The following FLVCR2 variants were observed in gnomAD, a reference collection of about 807,000 sequenced individuals.
FLVCR2 encodes the protein FLVCR choline and putative heme transporter 2.
In FLVCR2, 38 loss-of-function variants were observed where a neutral mutation model predicts 48.9. That is an observed-to-expected ratio of 0.78 (90% CI 0.60 to 1.02). FLVCR2 has a LOEUF of 1.02. Among genes scored for constraint, FLVCR2 ranks in the 50% least tolerant of loss-of-function variants. The probability of loss-of-function intolerance (pLI) is 0.00; values close to 1 mark genes in which losing one functional copy is unlikely to be tolerated. For synonymous variants in FLVCR2, 255 were observed against 257.0 expected (o/e 0.99, Z 0.07); for missense variants, 664 against 663.3 (o/e 1.00, Z -0.01).
intron 1 of FLVCR2, among the ~76,000 whole-genome samples, chr14:75,618,116 A>G (rs1889661651): frequency 1.3e-5 from 2 of 152,322 alleles, no homozygotes; most frequent in South Asian, 4.1e-4. Flanking sequence ...AATTTAAAGC[A>G]AGGAGAAGTC....
intron 1 of FLVCR2, among the ~76,000 whole-genome samples, chr14:75,611,638 C>T (rs181549969): frequency 9.9e-5 from 15 of 151,968 alleles, no homozygotes; most frequent in East Asian, 1.9e-4. Flanking sequence ...CTTGGGAGGC[C>T]GAGGTGAGAG....
At chr14:75,621,142 C>A (rs1889753218) in intron 1 of FLVCR2, among the ~76,000 whole-genome samples, 1 of 152,106 alleles carries the variant, frequency 6.6e-6, no homozygotes, top group African/African-American at 2.4e-5. Flanking sequence ...GTTTGGACTC[C>A]AACCCAGATA....
intron 1 of FLVCR2, among the ~76,000 whole-genome samples, chr14:75,600,902 A>G (rs1889149330): frequency 6.6e-6 from 1 of 152,052 alleles, no homozygotes; most frequent in Non-Finnish European, 1.5e-5. Context: ...CAAACAATCC[A>G]ATTTAAAAAT....
intron 5 of FLVCR2, among the ~76,000 whole-genome samples, chr14:75,637,930 A>G (rs1030699552): frequency 3.3e-5 from 5 of 151,818 alleles, no homozygotes; most frequent in South Asian, 2.1e-4. Flanking sequence ...GAACTGCTGG[A>G]GGGGCACAGG....
rs144659980 is a variant in FLVCR2 at position 75,637,929 on chromosome 14, G to A, written c.1125-1423G>A. On this transcript the variant is annotated intron_variant, in intron 5 of 9. Coordinates refer to ENST00000238667, the MANE Select transcript of FLVCR2 (RefSeq NM_017791.3). ...GGGCAACATGGGAAGAGAACTGCTG[G>A]AGGGGCACAGGAGGGGGTGAGACTG... 1.2e-3 allele frequency among the ~76,000 whole-genome samples: 177 copies of A among 152,088 alleles called. 3 individuals carry two copies. The East Asian group carries it at 0.031, about 27-fold the overall frequency.
At chr14:75,611,086 G>T (rs1889433050) in intron 1 of FLVCR2, among the ~76,000 whole-genome samples, 1 of 152,154 alleles carries the variant, frequency 6.6e-6, no homozygotes, top group Non-Finnish European at 1.5e-5. Context: ...CTGTCCTCAA[G>T]GTACTAACAG....
chr14:75,591,578 A>G (rs1888878355), intron 1 of FLVCR2, among the ~76,000 whole-genome samples: 1 of 152,196 alleles, frequency 6.6e-6, no homozygotes, highest in African/African-American at 2.4e-5. Context: ...AAGCTTAGCC[A>G]GGCTGAGGTC....
At chr14:75,643,650 C>A (rs1382328606) in intron 9 of FLVCR2, among the ~76,000 whole-genome samples, 1 of 152,134 alleles carries the variant, frequency 6.6e-6, no homozygotes, top group Non-Finnish European at 1.5e-5. Flanking sequence ...AAGAAGGAGC[C>A]TAGAACAGGA....
rs778687707 is a variant in FLVCR2 at position 75,622,167 on chromosome 14, T to C, written c.758T>C (p.Met253Thr). ...RDELAYHISI[M>T]FYIIGGVATL... ...GAGCTTGCCTACCACATCAGCATCA[T>C]GTTCTATATAATAGGAGGTGTGGCC... The change falls in exon 2 of 10, where the codon ATG becomes ACG. Residue 253 changes from methionine (M) to threonine (T), a missense_variant. By Grantham distance (81) the Met-to-Thr change is moderately conservative. Transcript: ENST00000238667. 1.9e-6 allele frequency: 3 copies of C among 1,613,906 alleles called. No homozygotes were observed. Among genetic ancestry groups the C allele is most frequent in the African/African-American group, 1.3e-5 (1 of 74,910 alleles).
At chr14:75,613,612 C>A (rs533122295) in intron 1 of FLVCR2, among the ~76,000 whole-genome samples, 63 of 152,178 alleles carry the variant, frequency 4.1e-4, no homozygotes, top group Non-Finnish European at 6.8e-4. Context: ...AGTGCAGTGG[C>A]ACATCTTGGC....
chr14:75,634,430 A>G (rs1003088086), intron 4 of FLVCR2, among the ~76,000 whole-genome samples: 1 of 152,216 alleles, frequency 6.6e-6, no homozygotes, highest in East Asian at 1.9e-4. Flanking sequence ...AGTAAATGAG[A>G]TAATGATATA....
At chr14:75,639,295 G>A in intron 5 of FLVCR2, 57 bp from the exon 6 acceptor site, 1 of 1,031,828 alleles carries the variant, frequency 9.7e-7, no homozygotes, top group Non-Finnish European at 1.5e-6. Flanking sequence ...ATAAATGAAT[G>A]AATGAGCCTA....
At chr14:75,620,987 A>G (rs1594806606) in intron 1 of FLVCR2, among the ~76,000 whole-genome samples, 2 of 152,344 alleles carry the variant, frequency 1.3e-5, no homozygotes, top group South Asian at 4.1e-4. Context: ...AGCTTGCCTG[A>G]GTTCACAAGC....
In FLVCR2 at chr14:75,634,994, G is replaced by A; in HGVS notation, c.1105G>A (p.Asp369Asn). 3 of 1,612,812 alleles carry A rather than the reference G, an allele frequency of 1.9e-6. No homozygotes were observed. Among genetic ancestry groups the A allele is most frequent in the Non-Finnish European group, 2.5e-6 (3 of 1,178,808 alleles). Residue 369 changes from aspartate to asparagine, a missense_variant, in exon 5 of 10, where the codon GAT becomes AAT. Asp to Asn is a conservative substitution (Grantham distance 23). Transcript: ENST00000238667. ...GGCTGTGATCTCAGGAATCTGGCTG[G>A]ATAGGTCCAAAACCTACAAGTAAGT... ...LGAVISGIWLDRSKTYKETTL... is the reference protein window; with the variant it reads ...LGAVISGIWLNRSKTYKETTL...
In FLVCR2 at chr14:75,632,537, C is replaced by G. The variant is rs113563553; in HGVS notation, c.953-1092C>G. On this transcript the variant is annotated intron_variant, in intron 3 of 9. Coordinates refer to ENST00000238667, the MANE Select transcript of FLVCR2 (RefSeq NM_017791.3). ...CATTAAGCCAGGGTGGTTGCCATACCCACCTTCCCTTGCACCTTAGCCATC... is the reference window on the plus strand; with the variant it reads ...CATTAAGCCAGGGTGGTTGCCATACGCACCTTCCCTTGCACCTTAGCCATC... 4.4e-6 allele frequency: 3 copies of G among 678,776 alleles called. No homozygotes were observed. In the Admixed American group the frequency reaches 6.4e-5, roughly 15 times the overall value. The allele number at this position is 678,776 out of a possible 1,614,324, so 42.0% of individuals were successfully genotyped here.
chr14:75,588,247 C>T (rs942280151), intron 1 of FLVCR2, among the ~76,000 whole-genome samples: 8 of 152,198 alleles, frequency 5.3e-5, no homozygotes, highest in African/African-American at 1.9e-4. Flanking sequence ...GGCCAAGCGA[C>T]CAGCATCTGG....
chr14:75,605,426 G>A (rs1401691527), intron 1 of FLVCR2: 19 of 1,458,108 alleles, frequency 1.3e-5, no homozygotes, highest in South Asian at 7.1e-5. Flanking sequence ...TCATAGGTGG[G>A]AGGGCACCCT....
chr14:75,634,815 G>A (rs549393899), intron 4 of FLVCR2, 95 bp from the exon 5 acceptor site: 3 of 798,660 alleles, frequency 3.8e-6, no homozygotes, highest in East Asian at 5.1e-5. Flanking sequence ...TGGAGCTTGA[G>A]TTACCTGCCT....
chr14:75,599,125 A>AGCAACCAAGCCCAC (rs1889097638), intron 1 of FLVCR2, among the ~76,000 whole-genome samples: 1 of 152,204 alleles, frequency 6.6e-6, no homozygotes, highest in South Asian at 2.1e-4. Context: ...AAAGATCTAC[A>AGCAACCAAGCCCAC]GCAACCAAGC....
Sources: allele counts gnomAD v4.1 joint callset (sites outside exome capture counted in the v4.1 genomes callset), GRCh38; gene constraint gnomAD v4.1.1; transcripts MANE v1.5; gene names NCBI Gene and HGNC (gene_info 2026-07-23, HGNC 2026-07-21).